Variants in KCND2 observed in about 807,000 individuals in gnomAD.
The protein encoded by KCND2 is potassium voltage-gated channel subfamily D member 2.
KCND2 carries 16 observed loss-of-function variants against 54.4 expected under a neutral mutation model. The observed-to-expected ratio is 0.29, with a 90% confidence interval of 0.20 to 0.45. The LOEUF is 0.45. Among genes scored for constraint, KCND2 ranks in the 20% least tolerant of loss-of-function variants. The probability of loss-of-function intolerance (pLI) is 1.00; values close to 1 mark genes in which losing one functional copy is unlikely to be tolerated. For synonymous variants in KCND2, 317 were observed against 310.7 expected (o/e 1.02, Z -0.21); for missense variants, 486 against 824.2 (o/e 0.59, Z 5.02).
chr7:120,608,430 G>A (rs558324063), intron 1 of KCND2, among the ~76,000 whole-genome samples: 2 of 152,156 alleles, frequency 1.3e-5, no homozygotes, highest in South Asian at 4.1e-4. Flanking sequence ...AAATGTAATG[G>A]TATTGCCACA....
intron 1 of KCND2, among the ~76,000 whole-genome samples, chr7:120,534,599 A>G (rs1475112355): frequency 6.6e-6 from 1 of 152,158 alleles, no homozygotes; most frequent in African/African-American, 2.4e-5. Context: ...ACTAAGTCCC[A>G]CCAAGGGTGT....
chr7:120,733,887 T>A (rs1024021375), intron 2 of KCND2, among the ~76,000 whole-genome samples: 2 of 152,182 alleles, frequency 1.3e-5, no homozygotes, highest in Non-Finnish European at 2.9e-5. Context: ...CACATCATAT[T>A]ATCAATATTT....
intron 1 of KCND2, among the ~76,000 whole-genome samples, chr7:120,730,665 T>C (rs1379400765): frequency 2.0e-5 from 3 of 152,144 alleles, no homozygotes; most frequent in Admixed American, 2.0e-4. Flanking sequence ...TTAGCTCAAC[T>C]ACTGATCACC....
rs12536375 is a variant in KCND2 at position 120,635,574 on chromosome 7, T to C, written c.1116-97329T>C. Among the ~76,000 whole-genome samples the C allele has an allele frequency of 1.2e-3, 190 of 152,364 alleles. 1 individual carries two copies. Among genetic ancestry groups the C allele is most frequent in the African/African-American group, 4.4e-3 (182 of 41,588 alleles). On this transcript the variant is annotated intron_variant, in intron 1 of 5. Coordinates refer to ENST00000331113, the MANE Select transcript of KCND2 (RefSeq NM_012281.3). ...ATGTAATCAGGTGAGTGTTTATTAC[T>C]TCCTTCGGAGTAGATACTCTGAAAC...
At chr7:120,626,997 T>C (rs1793172098) in intron 1 of KCND2, among the ~76,000 whole-genome samples, 1 of 152,218 alleles carries the variant, frequency 6.6e-6, no homozygotes, top group Non-Finnish European at 1.5e-5. Flanking sequence ...TTCTCTGTGA[T>C]TTTTATCTAC....
chr7:120,324,107 G>A (rs1799935260), intron 1 of KCND2, among the ~76,000 whole-genome samples: 1 of 151,368 alleles, frequency 6.6e-6, no homozygotes, highest in African/African-American at 2.5e-5. Flanking sequence ...CTTTTGAGAA[G>A]TGTCTGTTCA....
chr7:120,470,740 A>G (rs1184187452), intron 1 of KCND2, among the ~76,000 whole-genome samples: 1 of 152,084 alleles, frequency 6.6e-6, no homozygotes, highest in African/African-American at 2.4e-5. Flanking sequence ...TATTGTATAT[A>G]AGGAGGGAAA....
At chr7:120,424,317 C>G (rs1801670105) in intron 1 of KCND2, among the ~76,000 whole-genome samples, 1 of 152,098 alleles carries the variant, frequency 6.6e-6, no homozygotes, top group African/African-American at 2.4e-5. Flanking sequence ...ATATTTACCA[C>G]TTGATAGAAT....
chr7:120,290,440 C>T (rs1256166773), intron 1 of KCND2, among the ~76,000 whole-genome samples: 1 of 151,934 alleles, frequency 6.6e-6, no homozygotes, highest in African/African-American at 2.4e-5. Context: ...TATGCTCTTT[C>T]ACCATTGAAA....
chr7:120,744,690 A>G (rs1792983116), intron 4 of KCND2, among the ~76,000 whole-genome samples: 1 of 152,198 alleles, frequency 6.6e-6, no homozygotes, highest in Non-Finnish European at 1.5e-5. Context: ...TGACAAAACG[A>G]GTAGCTAAAA....
Position 120,274,758 on chromosome 7 carries a change from CATT to C in KCND2, c.127_129del (p.Ile43del), listed in dbSNP as rs1476203731. The C allele has an allele frequency of 6.2e-7, 1 of 1,614,026 alleles. No homozygotes were observed. Among genetic ancestry groups the C allele is most frequent in the Non-Finnish European group, 8.5e-7 (1 of 1,180,028 alleles). On this transcript the variant is annotated inframe_deletion, in exon 1 of 6. Transcript: ENST00000331113. ...AGAGGAAAAGGACCCAAGATGCTCT[CATT>C]GTGCTGAATGTGAGTGGCACCCGCT...
intron 1 of KCND2, among the ~76,000 whole-genome samples, chr7:120,309,668 T>G (rs370974281): frequency 3.3e-5 from 5 of 151,784 alleles, no homozygotes; most frequent in African/African-American, 1.2e-4. Context: ...TAAGGTGGTG[T>G]TATTTACTTC....
Position 120,336,510 on chromosome 7 carries a change from A to G in KCND2, c.1115+60763A>G, listed in dbSNP as rs145917716. ...ATAGAGTTGAATTTTATTAGCATTTATTACTTTATTAGTATAGGGATGTAG... is the reference window on the plus strand; with the variant it reads ...ATAGAGTTGAATTTTATTAGCATTTGTTACTTTATTAGTATAGGGATGTAG... On this transcript the variant is annotated intron_variant, in intron 1 of 5. Coordinates refer to ENST00000331113, the MANE Select transcript of KCND2 (RefSeq NM_012281.3). Among the ~76,000 whole-genome samples, 1,381 of 152,202 alleles carry G rather than the reference A, an allele frequency of 9.1e-3. 27 individuals are homozygous for G. The highest frequency in any genetic ancestry group is 0.031 in the African/African-American group (1,300 of 41,520).
In KCND2 at chr7:120,539,206, T is replaced by C. The variant is rs577765968; in HGVS notation, c.1116-193697T>C. On this transcript the variant is annotated intron_variant, in intron 1 of 5. Transcript: ENST00000331113. The stretch of plus-strand genomic sequence containing the variant: ...AGATATTACATAGCATATGCATACA[T>C]ATTTATACTTTCTCATGAACAATTA... Among the ~76,000 whole-genome samples, 3 of 152,214 alleles carry C rather than the reference T, an allele frequency of 2.0e-5. No individual in the cohort carries two copies. In the South Asian group the frequency reaches 6.2e-4, roughly 32 times the overall value.
intron 1 of KCND2, among the ~76,000 whole-genome samples, chr7:120,726,255 C>G (rs1016349937): frequency 1.3e-5 from 2 of 152,090 alleles, no homozygotes; most frequent in African/African-American, 4.8e-5. Context: ...AGAAATCTGC[C>G]TATTGTGAAG....
At chr7:120,681,557 T>C (rs1243018227) in intron 1 of KCND2, among the ~76,000 whole-genome samples, 1 of 152,014 alleles carries the variant, frequency 6.6e-6, no homozygotes, top group Non-Finnish European at 1.5e-5. Flanking sequence ...TCCATATATA[T>C]ATATATTCAC....
At chr7:120,586,993 T>G (rs12540785) in intron 1 of KCND2, among the ~76,000 whole-genome samples, 103,554 of 151,942 alleles carry the variant, frequency 0.68, 38,120 homozygotes, top group Middle Eastern at 0.88. Flanking sequence ...TAAATTAATT[T>G]TAAATGTCTA....
At chr7:120,501,733 C>T (rs759784527) in intron 1 of KCND2, among the ~76,000 whole-genome samples, 35 of 152,088 alleles carry the variant, frequency 2.3e-4, no homozygotes, top group Admixed American at 4.6e-4. Context: ...CCAATCCTGA[C>T]AATTCTACTT....
At chr7:120,625,497 A>G (rs767354502) in intron 1 of KCND2, among the ~76,000 whole-genome samples, 30 of 152,322 alleles carry the variant, frequency 2.0e-4, no homozygotes, top group Middle Eastern at 6.8e-3. Context: ...AATCATTTCA[A>G]TTGATTTCTT....
Sources: gnomAD v4.1 joint callset for allele counts (sites outside exome capture counted in the v4.1 genomes callset) on GRCh38, gnomAD v4.1.1 for gene constraint, MANE v1.5 for transcripts, NCBI Gene and HGNC (gene_info 2026-07-23, HGNC 2026-07-21) for gene names.